RBFOX1: variants seen among roughly 807,000 people sequenced by gnomAD.
RBFOX1 encodes RNA binding protein fox-1 homolog 1.
RBFOX1 carries 8 observed loss-of-function variants against 57.7 expected under a neutral mutation model. The observed-to-expected ratio is 0.14, with a 90% CI of 0.08 to 0.25. The LOEUF (loss-of-function observed/expected upper bound fraction) is 0.25. Ranked by LOEUF, RBFOX1 falls within the 10% of genes least tolerant of loss-of-function variation. The pLI is 1.00. For synonymous variants in RBFOX1, 326 were observed against 222.4 expected (o/e 1.47, Z -4.15); for missense variants, 611 against 548.5 (o/e 1.11, Z -1.14).
At chr16:7,658,605 T>G (rs919943459) in intron 12 of RBFOX1, among the ~76,000 whole-genome samples, 1 of 152,104 alleles carries the variant, frequency 6.6e-6, no homozygotes, top group African/African-American at 2.4e-5. Context: ...AGACTTAGTA[T>G]CTTTGATGTT....
intron 3 of RBFOX1, among the ~76,000 whole-genome samples, chr16:5,720,174 G>T (rs114773225): frequency 6.6e-6 from 1 of 152,166 alleles, no homozygotes; most frequent in Non-Finnish European, 1.5e-5. Flanking sequence ...AGTTACTAAT[G>T]ATATTGAACA....
intron 4 of RBFOX1, among the ~76,000 whole-genome samples, chr16:7,414,916 G>A (rs1420081330): frequency 6.6e-6 from 1 of 152,210 alleles, no homozygotes; most frequent in Non-Finnish European, 1.5e-5. Flanking sequence ...ACGGCGCCCA[G>A]CCCTTATTTC....
At chr16:6,649,945 C>T (rs1034389719) in intron 2 of RBFOX1, among the ~76,000 whole-genome samples, 1 of 152,064 alleles carries the variant, frequency 6.6e-6, no homozygotes, top group Non-Finnish European at 1.5e-5. Context: ...CATATTTTTG[C>T]CACTGTGAAT....
chr16:7,617,805 A>G (rs193026380), intron 10 of RBFOX1, among the ~76,000 whole-genome samples: 1 of 152,304 alleles, frequency 6.6e-6, no homozygotes. Context: ...GGTATAGTAC[A>G]CAGTGATACC....
chr16:5,897,470 CAT>C (rs1432845821), intron 4 of RBFOX1, among the ~76,000 whole-genome samples: 2 of 152,184 alleles, frequency 1.3e-5, no homozygotes, highest in African/African-American at 2.4e-5. Context: ...TCATGGGAAA[CAT>C]ATGAGTAGGA....
chr16:6,549,416 G>T, intron 2 of RBFOX1, among the ~76,000 whole-genome samples: 1 of 53,448 alleles, frequency 1.9e-5, no homozygotes, highest in African/African-American at 7.3e-5. Flanking sequence ...GAGGGAGGAG[G>T]AGGAGGAGGG....
rs1046450450 is a variant in RBFOX1, at chr16:6,658,890, G to T, written c.-16+4240G>T. On this transcript the variant is annotated intron_variant, in intron 3 of 15. Transcript: ENST00000550418. ...GGTGGAGTTTTTCACCCTTTAATAG[G>T]AAGCAGGAGCACAGGTTTTTTGTTT... Among the ~76,000 whole-genome samples, 4 of 150,934 alleles carry T rather than the reference G, an allele frequency of 2.7e-5. No homozygotes were observed. The East Asian group carries it at 7.9e-4, about 30-fold the overall frequency.
chr16:6,759,993 A>G (rs1377758724), intron 3 of RBFOX1, among the ~76,000 whole-genome samples: 3 of 152,224 alleles, frequency 2.0e-5, no homozygotes, highest in Non-Finnish European at 2.9e-5. Flanking sequence ...CTGAATATGT[A>G]GCCTTCAAGG....
At chr16:7,182,735 C>G (rs2082968081) in intron 4 of RBFOX1, among the ~76,000 whole-genome samples, 1 of 152,156 alleles carries the variant, frequency 6.6e-6, no homozygotes, top group Non-Finnish European at 1.5e-5. Context: ...TCTTTCATTT[C>G]TCTTTGGAAA....
chr16:7,126,374 A>C (rs1397881165), intron 4 of RBFOX1: 2 of 245,880 alleles, frequency 8.1e-6, no homozygotes, highest in South Asian at 5.7e-5. Flanking sequence ...TGTGGGGTTC[A>C]CAAGATCAAT....
chr16:5,835,001 C>T (rs570121803), intron 3 of RBFOX1, among the ~76,000 whole-genome samples: 1 of 152,206 alleles, frequency 6.6e-6, no homozygotes, highest in Admixed American at 6.5e-5. Context: ...TATCACCTTA[C>T]CCCACTCACC....
At position 7,233,262 on chromosome 16, in the gene RBFOX1, C is replaced by G. The variant is rs150858054; in HGVS notation, c.27+181164C>G. ...CTTATCCCATTGACTTTGACTGTTT[C>G]TAAGCTGGCTCTATCCCAAGTGAAA... On this transcript the variant is annotated intron_variant, in intron 4 of 15. Coordinates refer to ENST00000550418, the MANE Select transcript of RBFOX1 (RefSeq NM_018723.4). Among the ~76,000 whole-genome samples, 4 of 146,108 alleles carry G rather than the reference C, an allele frequency of 2.7e-5. No individual in the cohort carries two copies. The Admixed American group carries it at 2.8e-4, about 10-fold the overall frequency.
intron 3 of RBFOX1, among the ~76,000 whole-genome samples, chr16:6,919,017 T>G (rs2073879614): frequency 6.6e-6 from 1 of 152,140 alleles, no homozygotes; most frequent in African/African-American, 2.4e-5. Flanking sequence ...GTGTTGCTCA[T>G]TCATCCAGGC....
intron 2 of RBFOX1, among the ~76,000 whole-genome samples, chr16:6,392,432 A>G (rs1019950986): frequency 6.6e-6 from 1 of 152,238 alleles, no homozygotes; most frequent in Non-Finnish European, 1.5e-5. Flanking sequence ...ATCTAGAGGT[A>G]ACAAATTCAA....
intron 4 of RBFOX1, among the ~76,000 whole-genome samples, chr16:7,090,533 T>A (rs1019846227): frequency 2.6e-5 from 4 of 152,206 alleles, no homozygotes; most frequent in African/African-American, 9.6e-5. Flanking sequence ...TAGTTACAGA[T>A]GCTTAATATG....
intron 2 of RBFOX1, among the ~76,000 whole-genome samples, chr16:5,482,414 G>A (rs1051610425): frequency 4.6e-5 from 7 of 152,180 alleles, no homozygotes; most frequent in South Asian, 2.1e-4. Flanking sequence ...CAGCCCAGGC[G>A]GGGCTGGCAA....
chr16:5,877,885 C>G (rs369284439), intron 4 of RBFOX1, among the ~76,000 whole-genome samples: 4 of 152,294 alleles, frequency 2.6e-5, no homozygotes, highest in Admixed American at 2.0e-4. Context: ...GTATGGCACT[C>G]TGGTGGGCGT....
chr16:6,960,454 C>G (rs2082724296), intron 3 of RBFOX1, among the ~76,000 whole-genome samples: 8 of 152,160 alleles, frequency 5.3e-5, no homozygotes, highest in African/African-American at 4.8e-5. Flanking sequence ...ACTCCCTTGT[C>G]TCCCAGTTCT....
chr16:6,859,016 A>T (rs1031866919), intron 3 of RBFOX1, among the ~76,000 whole-genome samples: 1 of 150,516 alleles, frequency 6.6e-6, no homozygotes, highest in Admixed American at 6.6e-5. Context: ...AGGGATGTGT[A>T]CCTGTTTATG....
Sources: gnomAD v4.1 joint callset for allele counts (sites outside exome capture counted in the v4.1 genomes callset) on GRCh38, gnomAD v4.1.1 for gene constraint, MANE v1.5 for transcripts, NCBI Gene and HGNC (gene_info 2026-07-23, HGNC 2026-07-21) for gene names.